The following SPOPL variants were observed in gnomAD, a reference collection of about 807,000 sequenced individuals.
SPOPL encodes the protein speckle type BTB/POZ protein like.
SPOPL carries 23 observed loss-of-function variants against 53.8 expected under a neutral mutation model. The observed-to-expected ratio is 0.43, with a 90% confidence interval of 0.31 to 0.61. The LOEUF (loss-of-function observed/expected upper bound fraction) is 0.61. Among genes scored for constraint, SPOPL ranks in the 20% least tolerant of loss-of-function variants. The probability of loss-of-function intolerance (pLI) is 0.12; values close to 1 mark genes in which losing one functional copy is unlikely to be tolerated. For synonymous variants in SPOPL, 164 were observed against 149.7 expected, an observed-to-expected ratio of 1.10 and a Z score of -0.70; for missense variants, 442 against 466.9, an observed-to-expected ratio of 0.95 and a Z score of 0.49.
At chr2:138,553,990 A>T (rs945563003) in intron 5 of SPOPL, among the ~76,000 whole-genome samples, 1 of 151,814 alleles carries the variant, frequency 6.6e-6, no homozygotes, top group Non-Finnish European at 1.5e-5. Context: ...CTTAAAGGCT[A>T]TTTAATCCAA....
At chr2:138,505,594 TAAAAAAAAAAAAAAAAAAA>T (rs1169614974) in intron 1 of SPOPL, among the ~76,000 whole-genome samples, 4 of 75,090 alleles carry the variant, frequency 5.3e-5, no homozygotes, top group Non-Finnish European at 9.0e-5. Flanking sequence ...GTGTCTCTTC[TAAAAAAAAAAAAAAAAAAA>T]AAAAAAAAAT....
At chr2:138,550,423 A>G (rs1453737052) in intron 2 of SPOPL, 60 bp from the exon 3 acceptor site, 3 of 1,590,104 alleles carry the variant, frequency 1.9e-6, no homozygotes, top group African/African-American at 1.3e-5. Context: ...GATGTTGAAC[A>G]TGTAACAAGT....
chr2:138,552,761 T>G, intron 5 of SPOPL, 80 bp downstream of exon 5: 1 of 1,421,934 alleles, frequency 7.0e-7, no homozygotes, highest in Non-Finnish European at 9.5e-7. Flanking sequence ...AATAACACTT[T>G]AAAATTAAGT....
In SPOPL at chr2:138,550,183, T is replaced by A; in HGVS notation, c.-34T>A. 1 of 1,600,758 alleles carries A rather than the reference T, an allele frequency of 6.2e-7. No individual in the cohort carries two copies. Among genetic ancestry groups the A allele is most frequent in the East Asian group, 2.2e-5 (1 of 44,756 alleles). ...TAAGGTACTCAACTGTGTGGGGTAC[T>A]ACATAAATCCTGAAAGACTACAATA... is the stretch of plus-strand genomic sequence containing the variant. On this transcript the variant is annotated 5_prime_UTR_variant, in exon 2 of 11. Coordinates refer to ENST00000280098, the MANE Select transcript of SPOPL (RefSeq NM_001001664.3).
rs965699286 is a variant in SPOPL, at chr2:138,570,437, A to G, written c.*1357A>G. 1 of 152,182 alleles carries G rather than the reference A, an allele frequency of 6.6e-6. No homozygotes were observed. The highest frequency in any genetic ancestry group is 1.5e-5 in the Non-Finnish European group (1 of 68,030). The allele number at this position is 152,182 out of a possible 1,614,324, so 9.4% of individuals were successfully genotyped here. ...AAATGAATTTTAGCTTTAAATGCAT[A>G]TACACGTTCAGTGTTTGATAGTTGT... is the stretch of plus-strand genomic sequence containing the variant. On this transcript the variant is annotated 3_prime_UTR_variant, in exon 11 of 11. Transcript: ENST00000280098.
chr2:138,560,747 G>A (rs757149030), intron 7 of SPOPL, 58 bp from the exon 8 acceptor site: 2 of 1,536,560 alleles, frequency 1.3e-6, no homozygotes, highest in Non-Finnish European at 1.7e-6. Context: ...ATTCACTTTG[G>A]TTCATTTGTG....
At chr2:138,525,645 T>C (rs1684654306) in intron 1 of SPOPL, among the ~76,000 whole-genome samples, 1 of 51,684 alleles carries the variant, frequency 1.9e-5, no homozygotes, top group Non-Finnish European at 4.0e-5. Context: ...CCTGCATCAG[T>C]ATAAAAAGTA....
intron 5 of SPOPL, among the ~76,000 whole-genome samples, chr2:138,556,443 G>T (rs189382376): frequency 6.6e-6 from 1 of 152,150 alleles, no homozygotes; most frequent in African/African-American, 2.4e-5. Context: ...TATGTATCAT[G>T]CAAGCCATTG....
chr2:138,537,522 G>C (rs950519772), intron 1 of SPOPL, among the ~76,000 whole-genome samples: 3 of 152,210 alleles, frequency 2.0e-5, no homozygotes, highest in Non-Finnish European at 2.9e-5. Context: ...CTGTCTGCCT[G>C]TGGATTTCAT....
At chr2:138,529,051 T>C (rs1684742559) in intron 1 of SPOPL, among the ~76,000 whole-genome samples, 1 of 152,212 alleles carries the variant, frequency 6.6e-6, no homozygotes, top group African/African-American at 2.4e-5. Context: ...AGCCCCTTCC[T>C]TATAGTACAG....
intron 8 of SPOPL, among the ~76,000 whole-genome samples, chr2:138,561,702 A>G (rs1392052309): frequency 6.6e-6 from 1 of 152,230 alleles, no homozygotes; most frequent in Non-Finnish European, 1.5e-5. Context: ...TAGCAGCATC[A>G]TCAGTATTAA....
chr2:138,564,365 T>A (rs1218606096), intron 8 of SPOPL: 2 of 211,326 alleles, frequency 9.5e-6, no homozygotes, highest in African/African-American at 4.7e-5. Context: ...TACTGAGTGG[T>A]GGCAACATGC....
intron 1 of SPOPL, among the ~76,000 whole-genome samples, chr2:138,506,038 T>C (rs1684209747): frequency 6.6e-6 from 1 of 152,176 alleles, no homozygotes; most frequent in Non-Finnish European, 1.5e-5. Context: ...AAATCCACGC[T>C]AAGCATTTTG....
At chr2:138,539,738 G>C (rs1410821348) in intron 1 of SPOPL, among the ~76,000 whole-genome samples, 1 of 152,158 alleles carries the variant, frequency 6.6e-6, no homozygotes, top group African/African-American at 2.4e-5. Flanking sequence ...TTGCTGTCCA[G>C]AAGCTCTTTA....
At chr2:138,533,433 A>G (rs907120514) in intron 1 of SPOPL, among the ~76,000 whole-genome samples, 1 of 152,034 alleles carries the variant, frequency 6.6e-6, no homozygotes, top group Admixed American at 6.6e-5. Context: ...ATCCTCTACT[A>G]TGTTATAGTT....
At chr2:138,559,233 T>TA (rs753226942) in intron 6 of SPOPL, 34 bp downstream of exon 6, 19 of 1,609,790 alleles carry the variant, frequency 1.2e-5, no homozygotes, top group East Asian at 6.7e-5. Flanking sequence ...ATAGTACATT[T>TA]AAAAAAATGC....
chr2:138,532,238 G>GT (rs1445588390), intron 1 of SPOPL, among the ~76,000 whole-genome samples: 1 of 152,070 alleles, frequency 6.6e-6, no homozygotes, highest in East Asian at 1.9e-4. Flanking sequence ...TGGATATCCT[G>GT]TTTTATCTCC....
chr2:138,555,486 T>C (rs1340536138), intron 5 of SPOPL, among the ~76,000 whole-genome samples: 1 of 152,086 alleles, frequency 6.6e-6, no homozygotes, highest in East Asian at 1.9e-4. Context: ...GACACCAATC[T>C]ATGAAAATCA....
intron 1 of SPOPL, among the ~76,000 whole-genome samples, chr2:138,538,753 T>A (rs1684993941): frequency 6.6e-6 from 1 of 152,130 alleles, no homozygotes; most frequent in Non-Finnish European, 1.5e-5. Context: ...TTTTTTTTTT[T>A]TCTTTTTATT....
Sources: allele counts gnomAD v4.1 joint callset (sites outside exome capture counted in the v4.1 genomes callset), GRCh38; gene constraint gnomAD v4.1.1; transcripts MANE v1.5; gene names NCBI Gene and HGNC (gene_info 2026-07-23, HGNC 2026-07-21).